The following NVL variants were observed in gnomAD, a reference collection of about 807,000 sequenced individuals.
NVL encodes nuclear valosin-containing protein-like.
Under a neutral mutation model 110.2 loss-of-function variants are expected in NVL, and 84 were observed. The ratio of observed to expected loss-of-function variants is 0.76; its 90% CI spans 0.64 to 0.91. The LOEUF is 0.91. Ranked by LOEUF, NVL falls within the 40% of genes least tolerant of loss-of-function variation. The pLI is 0.00. For synonymous variants in NVL, 354 were observed against 361.1 expected (o/e 0.98, Z 0.22); for missense variants, 882 against 1,035.9 (o/e 0.85, Z 2.04).
rs551183907 is a variant in NVL at position 224,246,910 on chromosome 1, A to G, written c.2289+3302T>C. Among the ~76,000 whole-genome samples the G allele has an allele frequency of 5.9e-4, 90 of 152,016 alleles. No individual in the cohort carries two copies. The East Asian group carries it at 0.01, about 17-fold the overall frequency. On this transcript the variant is annotated intron_variant, in intron 19 of 22. Coordinates refer to ENST00000281701, the MANE Select transcript of NVL (RefSeq NM_002533.4). ...AAAAAAATTAGCAGAGTGTGGTGGC[A>G]CGCACCTGTGGCCCCAGCTGCGTGG...
At chr1:224,264,077 G>C (rs1292717195) in intron 18 of NVL, among the ~76,000 whole-genome samples, 2 of 152,022 alleles carry the variant, frequency 1.3e-5, no homozygotes, top group Non-Finnish European at 2.9e-5. Flanking sequence ...GCCGGGTTGG[G>C]AGAGAGACCA....
At chr1:224,314,064 T>C (rs549271648) in intron 4 of NVL, among the ~76,000 whole-genome samples, 1 of 152,318 alleles carries the variant, frequency 6.6e-6, no homozygotes, top group African/African-American at 2.4e-5. Flanking sequence ...GATTAAATTA[T>C]AGTATAACAA....
At chr1:224,273,215 C>T (rs2102845376) in intron 17 of NVL, among the ~76,000 whole-genome samples, 1 of 152,088 alleles carries the variant, frequency 6.6e-6, no homozygotes, top group Non-Finnish European at 1.5e-5. Flanking sequence ...GAGTTCGAGA[C>T]CAGCCCGGCC....
At chr1:224,295,856 C>T (rs1185766521) in intron 11 of NVL, among the ~76,000 whole-genome samples, 1 of 150,152 alleles carries the variant, frequency 6.7e-6, no homozygotes, top group Non-Finnish European at 1.5e-5. Context: ...ATCCCAGCTA[C>T]TCAGGAGGCT....
At chr1:224,281,637 T>C (rs1666339334) in intron 15 of NVL, among the ~76,000 whole-genome samples, 1 of 151,340 alleles carries the variant, frequency 6.6e-6, no homozygotes. Context: ...CCTTTCTATA[T>C]TAATAGTTAC....
chr1:224,281,220 C>G, intron 15 of NVL, 35 bp from the exon 16 acceptor site: 1 of 1,502,972 alleles, frequency 6.7e-7, no homozygotes. Flanking sequence ...CAAATAAGAC[C>G]AATACACAGT....
At chr1:224,285,918 A>G (rs537487445) in intron 15 of NVL, 108 bp downstream of exon 15, 2 of 741,494 alleles carry the variant, frequency 2.7e-6, no homozygotes, top group Admixed American at 2.9e-5. Context: ...TAAACTTCTG[A>G]TAAAAATTAT....
chr1:224,259,604 T>A (rs1663724081), intron 18 of NVL, among the ~76,000 whole-genome samples: 1 of 152,102 alleles, frequency 6.6e-6, no homozygotes, highest in East Asian at 1.9e-4. Context: ...CTTCATGAAA[T>A]AGGTTTCTAC....
chr1:224,250,449 C>T lies in NVL; in HGVS notation c.2183-131G>A, dbSNP rs149487734. ...GCATGATCTCAGCTCACTGCAGCCT[C>T]GACCTCCCAGGCTCAGATGATTCTC... is the stretch of plus-strand genomic sequence containing the variant. On this transcript the variant is annotated intron_variant, in intron 18 of 22. Coordinates refer to ENST00000281701, the MANE Select transcript of NVL (RefSeq NM_002533.4). 1.3e-3 allele frequency: 911 copies of T among 701,110 alleles called. 22 individuals are homozygous for T. In the East Asian group the frequency reaches 0.033, roughly 25 times the overall value. The allele number at this position is 701,110 out of a possible 1,614,324, so 43.4% of individuals were successfully genotyped here. A position where few individuals can be genotyped will look rare whatever the true frequency, so the allele number is the denominator to read the frequency against.
chr1:224,238,384 AG>A (rs750474681), intron 19 of NVL, among the ~76,000 whole-genome samples: 1 of 152,182 alleles, frequency 6.6e-6, no homozygotes, highest in Non-Finnish European at 1.5e-5. Context: ...CTCCAGGCAC[AG>A]GGTTCGGCGA....
chr1:224,246,033 CTT>C (rs36056911), intron 19 of NVL, among the ~76,000 whole-genome samples: 2 of 145,944 alleles, frequency 1.4e-5, no homozygotes, highest in Non-Finnish European at 3.0e-5. Context: ...TGCCAGATGA[CTT>C]TTTTTTTTTT....
chr1:224,274,053 CA>C (rs1665484598), intron 17 of NVL, among the ~76,000 whole-genome samples: 2 of 151,100 alleles, frequency 1.3e-5, no homozygotes, highest in Admixed American at 6.6e-5. Flanking sequence ...CACACACACA[CA>C]CACACCCATA....
intron 18 of NVL, among the ~76,000 whole-genome samples, chr1:224,265,614 A>G (rs1664428600): frequency 6.6e-6 from 1 of 152,240 alleles, no homozygotes; most frequent in African/African-American, 2.4e-5. Context: ...CTGTGGTTTG[A>G]ACGTATTCCC....
At chr1:224,300,505 T>A in intron 10 of NVL, 57 bp downstream of exon 10, 2 of 1,225,858 alleles carry the variant, frequency 1.6e-6, no homozygotes, top group South Asian at 2.8e-5. Context: ...AAAAGCAGGA[T>A]CTTTAATATA....
chr1:224,230,386 C>T (rs766474184), intron 22 of NVL, among the ~76,000 whole-genome samples: 6 of 152,030 alleles, frequency 3.9e-5, no homozygotes, highest in Non-Finnish European at 7.4e-5. Context: ...GGGTGGATCA[C>T]GAGGTCAAGA....
At chr1:224,324,839 A>G (rs1670986100) in intron 2 of NVL, among the ~76,000 whole-genome samples, 1 of 152,220 alleles carries the variant, frequency 6.6e-6, no homozygotes, top group Non-Finnish European at 1.5e-5. Context: ...GAAGGCCATG[A>G]ATTTTGGGAG....
intron 18 of NVL, among the ~76,000 whole-genome samples, chr1:224,255,361 C>G (rs1663094887): frequency 6.6e-6 from 1 of 150,794 alleles, no homozygotes; most frequent in African/African-American, 2.4e-5. Flanking sequence ...CAGCTAATTT[C>G]TTTTGTATTT....
At chr1:224,300,467 G>T in intron 10 of NVL, 95 bp downstream of exon 10, 1 of 727,460 alleles carries the variant, frequency 1.4e-6, no homozygotes, top group Non-Finnish European at 2.2e-6. Flanking sequence ...AATGGCCAGT[G>T]AGTGGGTTAA....
chr1:224,234,300 A>G (rs951442104), intron 20 of NVL, among the ~76,000 whole-genome samples: 6 of 152,182 alleles, frequency 3.9e-5, no homozygotes, highest in African/African-American at 1.4e-4. Context: ...CTTAGAGATT[A>G]TATGAGAAAG....
Sources: gnomAD v4.1 joint callset for allele counts (sites outside exome capture counted in the v4.1 genomes callset) on GRCh38, gnomAD v4.1.1 for gene constraint, MANE v1.5 for transcripts, NCBI Gene and HGNC (gene_info 2026-07-23, HGNC 2026-07-21) for gene names.